Variants in TSHZ2 observed in about 807,000 individuals in gnomAD.
The protein encoded by TSHZ2 is teashirt homolog 2.
Under a neutral mutation model 74.4 loss-of-function variants are expected in TSHZ2, and 21 were observed. The ratio of observed to expected loss-of-function variants is 0.28; its 90% CI spans 0.20 to 0.41. The LOEUF (loss-of-function observed/expected upper bound fraction) is 0.41. Among genes scored for constraint, TSHZ2 ranks in the 10% least tolerant of loss-of-function variants. TSHZ2 has a pLI of 1.00. For synonymous variants in TSHZ2, 540 were observed against 515.3 expected, an observed-to-expected ratio of 1.05 and a Z score of -0.65; for missense variants, 1,244 against 1,293.5, an observed-to-expected ratio of 0.96 and a Z score of 0.59.
intron 1 of TSHZ2, among the ~76,000 whole-genome samples, chr20:53,209,762 G>C (rs1210097225): frequency 6.6e-6 from 1 of 152,130 alleles, no homozygotes; most frequent in Non-Finnish European, 1.5e-5. Context: ...ACTTCCCCTT[G>C]TGCTTCTGGG....
chr20:53,326,322 T>G (rs1204665407), intron 2 of TSHZ2, among the ~76,000 whole-genome samples: 1 of 152,216 alleles, frequency 6.6e-6, no homozygotes, highest in Non-Finnish European at 1.5e-5. Flanking sequence ...CTTGGAGTGC[T>G]GAGCAAAGGA....
intron 2 of TSHZ2, among the ~76,000 whole-genome samples, chr20:53,459,773 C>G (rs1219126421): frequency 2.7e-4 from 39 of 143,140 alleles, no homozygotes; most frequent in African/African-American, 9.4e-4. Flanking sequence ...AATCTCTCAG[C>G]ATTTGCTTGT....
At chr20:53,011,755 G>C (rs1429430299) in intron 1 of TSHZ2, among the ~76,000 whole-genome samples, 1 of 152,166 alleles carries the variant, frequency 6.6e-6, no homozygotes, top group Admixed American at 6.5e-5. Flanking sequence ...TCAGTTTTAA[G>C]GGCAGTTTTC....
intron 1 of TSHZ2, among the ~76,000 whole-genome samples, chr20:53,050,148 TATATACACATATATATGTAC>T (rs1984400478): frequency 1.1e-5 from 1 of 88,150 alleles, no homozygotes; most frequent in African/African-American, 3.6e-5. Flanking sequence ...TGTGTATATA[TATATACACATATATATGTAC>T]ATATATACAC....
In TSHZ2 at chr20:53,255,303, G is replaced by T; in HGVS notation, c.1845G>T (p.Gly615=). The change falls in exon 2 of 3, where the codon GGG becomes GGT. Residue 615 remains glycine, a synonymous_variant. Transcript: ENST00000371497. The surrounding 1 kb of genome is among the most constrained non-coding windows in gnomAD (Gnocchi z 4.1). ...AAGATGAAGCGGTGAAGGAGTGTGGGAAAGAAAGTCCCCACGAAGAGGCCT... is the reference window on the plus strand; with the variant it reads ...AAGATGAAGCGGTGAAGGAGTGTGGTAAAGAAAGTCCCCACGAAGAGGCCT... ...EDKDEAVKEC[G]KESPHEEASS... is the part of the protein sequence containing the mutation. The T allele has an allele frequency of 6.2e-7, 1 of 1,614,156 alleles. No individual in the cohort carries two copies. Among genetic ancestry groups the T allele is most frequent in the Non-Finnish European group, 8.5e-7 (1 of 1,180,008 alleles).
chr20:53,363,564 C>A (rs1981145089), intron 2 of TSHZ2, among the ~76,000 whole-genome samples: 1 of 152,188 alleles, frequency 6.6e-6, no homozygotes, highest in South Asian at 2.1e-4. Context: ...CATCTCTGGT[C>A]TCCAGGGGAT....
intron 2 of TSHZ2, among the ~76,000 whole-genome samples, chr20:53,486,700 G>C (rs1986297739): frequency 6.6e-6 from 1 of 152,104 alleles, no homozygotes. Context: ...TAAGAAAATT[G>C]CAACTTTCTT....
intron 2 of TSHZ2, among the ~76,000 whole-genome samples, chr20:53,481,972 C>T (rs554595805): frequency 2.0e-5 from 3 of 151,956 alleles, no homozygotes; most frequent in East Asian, 1.9e-4. Flanking sequence ...GGCATGGTGG[C>T]GTATGCCTGT....
intron 1 of TSHZ2, among the ~76,000 whole-genome samples, chr20:53,165,590 A>G (rs1252911020): frequency 6.6e-6 from 1 of 152,236 alleles, no homozygotes. Context: ...TGTCAGTGCT[A>G]TACTAATGTG....
chr20:53,373,400 T>A (rs1054746211), intron 2 of TSHZ2, among the ~76,000 whole-genome samples: 12 of 152,372 alleles, frequency 7.9e-5, no homozygotes, highest in African/African-American at 2.2e-4. Flanking sequence ...TGGGTTTTTT[T>A]AATTCTATCA....
At chr20:53,108,313 C>T (rs1322934459) in intron 1 of TSHZ2, among the ~76,000 whole-genome samples, 2 of 152,306 alleles carry the variant, frequency 1.3e-5, no homozygotes, top group Middle Eastern at 3.4e-3. Context: ...AATTATTTTC[C>T]TCTGTGCTTT....
Position 53,146,852 on chromosome 20 carries a change from A to G in TSHZ2, c.41-106647A>G, listed in dbSNP as rs144996061. Among the ~76,000 whole-genome samples, 12 of 152,332 alleles carry G rather than the reference A, an allele frequency of 7.9e-5. No individual in the cohort carries two copies. In the East Asian group the frequency reaches 2.3e-3, roughly 29 times the overall value. On this transcript the variant is annotated intron_variant, in intron 1 of 2. Coordinates refer to ENST00000371497, the MANE Select transcript of TSHZ2 (RefSeq NM_173485.6). ...TAGAGGAGCGAGGCGGGCGTGAAGG[A>G]TAGGTACTCTCATTTTTAAGATCTT...
Position 53,255,238 on chromosome 20 carries a change from C to T in TSHZ2, c.1780C>T (p.Leu594=), listed in dbSNP as rs781566294. Residue 594 remains leucine, a synonymous_variant, in exon 2 of 3, where the codon CTG becomes TTG. Transcript: ENST00000371497. This position sits in a 1 kb window ranked among gnomAD's most constrained non-coding sequence, Gnocchi z 4.1. ...VMPLVSMPTH[L]APYTQVKKES... ...GCCACTGGTTTCTATGCCCACACAC[C>T]TGGCCCCTTACACTCAAGTCAAGAA... 2 of 1,614,206 alleles carry T rather than the reference C, an allele frequency of 1.2e-6. No homozygotes were observed. The highest frequency in any genetic ancestry group is 2.2e-5 in the East Asian group (1 of 44,888).
At chr20:53,469,634 G>GAGGAAGGAAGGAAGGAAGGAAGGA (rs756806325) in intron 2 of TSHZ2, among the ~76,000 whole-genome samples, 4 of 35,506 alleles carry the variant, frequency 1.1e-4, no homozygotes, top group African/African-American at 4.4e-4. Context: ...GGAAGGGAGG[G>GAGGAAGGAAGGAAGGAAGGAAGGA]AGGAAGGAAG....
In TSHZ2 at chr20:53,358,204, G is replaced by A. The variant is rs977314590; in HGVS notation, c.*8+101633G>A. 2.6e-5 allele frequency among the ~76,000 whole-genome samples: 4 copies of A among 151,742 alleles called. No individual in the cohort carries two copies. In the East Asian group the frequency reaches 5.8e-4, roughly 22 times the overall value. ...TCCCAGTTTTAGCCTGTGTCTTTAT[G>A]GGGGGAAGCAAAAAAAGCAAAACCA... is the stretch of plus-strand genomic sequence containing the variant. On this transcript the variant is annotated intron_variant, in intron 2 of 2. Coordinates refer to ENST00000371497, the MANE Select transcript of TSHZ2 (RefSeq NM_173485.6).
chr20:52,991,224 G>A (rs904124926), intron 1 of TSHZ2, among the ~76,000 whole-genome samples: 38 of 148,080 alleles, frequency 2.6e-4, no homozygotes, highest in Non-Finnish European at 4.7e-4. Context: ...GATTATGTAT[G>A]TTGTGGGTAT....
chr20:53,405,909 A>T (rs1482770229), intron 2 of TSHZ2, among the ~76,000 whole-genome samples: 1 of 152,092 alleles, frequency 6.6e-6, no homozygotes, highest in Non-Finnish European at 1.5e-5. Flanking sequence ...AGGTGGGAGG[A>T]TCACTTGAGC....
chr20:53,228,612 T>C (rs1156584441), intron 1 of TSHZ2, among the ~76,000 whole-genome samples: 2 of 151,208 alleles, frequency 1.3e-5, no homozygotes. Context: ...ACCTCCCGAG[T>C]TGAGACAACC....
At chr20:53,241,513 G>C (rs557791191) in intron 1 of TSHZ2, among the ~76,000 whole-genome samples, 1 of 152,230 alleles carries the variant, frequency 6.6e-6, no homozygotes, top group South Asian at 2.1e-4. Flanking sequence ...GGATTTAAAT[G>C]AATCCAGAAT....
Sources: allele counts gnomAD v4.1 joint callset (sites outside exome capture counted in the v4.1 genomes callset), GRCh38; gene constraint gnomAD v4.1.1; non-coding constraint Gnocchi (gnomAD v3.1); transcripts MANE v1.5; gene names NCBI Gene and HGNC (gene_info 2026-07-23, HGNC 2026-07-21).